RGS21: variants seen among roughly 807,000 people sequenced by gnomAD.
The protein encoded by RGS21 is regulator of G-protein signalling 21.
A neutral mutation model predicts 18.7 loss-of-function variants in RGS21; 19 were observed. That is an observed-to-expected ratio of 1.01 (90% confidence interval 0.71 to 1.49). The LOEUF (loss-of-function observed/expected upper bound fraction) is 1.49. Among genes scored for constraint, RGS21 ranks in the 40% most tolerant of loss-of-function variants. The pLI is 0.00. For missense variants in RGS21, 194 were observed against 176.8 expected, an observed-to-expected ratio of 1.10 and a Z score of -0.55; for synonymous variants, 56 against 57.8, an observed-to-expected ratio of 0.97 and a Z score of 0.14.
intron 4 of RGS21, among the ~76,000 whole-genome samples, chr1:192,364,072 A>C (rs994613430): frequency 3.9e-5 from 6 of 152,264 alleles, no homozygotes; most frequent in African/African-American, 1.4e-4. Context: ...AACACTGAAG[A>C]AGCAGAAACT....
rs116361463 is a variant in RGS21 at position 192,331,901 on chromosome 1, A to G, written c.-60-11076A>G. Among the ~76,000 whole-genome samples the G allele has an allele frequency of 1.4e-3, 215 of 152,164 alleles. 2 individuals carry two copies. Among genetic ancestry groups the G allele is most frequent in the African/African-American group, 5.0e-3 (207 of 41,564 alleles). On this transcript the variant is annotated intron_variant, in intron 1 of 4. Coordinates refer to ENST00000417209, the MANE Select transcript of RGS21 (RefSeq NM_001039152.3). ...TGAATGAACATTGCATATATCCACAACAATGAAGATATTTAGAGAACGGTC... is the reference window on the plus strand; with the variant it reads ...TGAATGAACATTGCATATATCCACAGCAATGAAGATATTTAGAGAACGGTC...
At chr1:192,350,456 C>T (rs1033006108) in intron 3 of RGS21, among the ~76,000 whole-genome samples, 1 of 152,018 alleles carries the variant, frequency 6.6e-6, no homozygotes, top group Non-Finnish European at 1.5e-5. Flanking sequence ...TTTGCCTATC[C>T]CCTGCTTTTC....
chr1:192,349,983 T>A (rs1302528183), intron 3 of RGS21, among the ~76,000 whole-genome samples: 2 of 152,316 alleles, frequency 1.3e-5, no homozygotes, highest in Non-Finnish European at 1.5e-5. Flanking sequence ...TAAAAATACA[T>A]CTTAGCATAA....
chr1:192,331,545 CTAAA>C (rs200622803), intron 1 of RGS21, among the ~76,000 whole-genome samples: 2,586 of 143,804 alleles, frequency 0.018, 31 homozygotes, highest in Middle Eastern at 0.072. Flanking sequence ...GACTCCGTCT[CTAAA>C]TAAATAAATA....
intron 2 of RGS21, among the ~76,000 whole-genome samples, chr1:192,343,974 C>A (rs1416629153): frequency 6.6e-6 from 1 of 151,958 alleles, no homozygotes; most frequent in Non-Finnish European, 1.5e-5. Flanking sequence ...AACTTTTATT[C>A]AATAGATTTC....
intron 4 of RGS21, among the ~76,000 whole-genome samples, chr1:192,359,883 C>T (rs1428113497): frequency 2.0e-5 from 3 of 151,136 alleles, no homozygotes; most frequent in South Asian, 4.2e-4. Flanking sequence ...AAAGATAAGG[C>T]ACTCTTGATA....
At chr1:192,339,421 T>C (rs1463077731) in intron 1 of RGS21, among the ~76,000 whole-genome samples, 1 of 152,112 alleles carries the variant, frequency 6.6e-6, no homozygotes, top group Non-Finnish European at 1.5e-5. Flanking sequence ...TCTTTGAATA[T>C]GCCTATGAAA....
intron 4 of RGS21, among the ~76,000 whole-genome samples, chr1:192,356,968 AC>A (rs906952819): frequency 2.6e-5 from 4 of 151,818 alleles, no homozygotes; most frequent in Admixed American, 2.0e-4. Flanking sequence ...TGCTGGTGCA[AC>A]TAAGAAAAAG....
intron 4 of RGS21, among the ~76,000 whole-genome samples, chr1:192,356,688 C>T (rs1411908909): frequency 6.6e-6 from 1 of 151,658 alleles, no homozygotes; most frequent in Non-Finnish European, 1.5e-5. Flanking sequence ...TGAAAATAGG[C>T]ATCTAGAAGC....
At chr1:192,338,766 A>G (rs970507375) in intron 1 of RGS21, among the ~76,000 whole-genome samples, 1 of 152,118 alleles carries the variant, frequency 6.6e-6, no homozygotes, top group African/African-American at 2.4e-5. Context: ...TTCCTAAAAT[A>G]TAAGTGTTAC....
intron 3 of RGS21, among the ~76,000 whole-genome samples, chr1:192,351,479 T>C (rs1052775331): frequency 2.0e-5 from 3 of 151,916 alleles, no homozygotes; most frequent in Non-Finnish European, 4.4e-5. Context: ...GAGTATAACA[T>C]AATTAATTTG....
intron 2 of RGS21, among the ~76,000 whole-genome samples, chr1:192,344,861 T>C (rs962520033): frequency 6.6e-6 from 1 of 152,064 alleles, no homozygotes; most frequent in Admixed American, 6.6e-5. Flanking sequence ...GCAATTTTTT[T>C]CTCCTAAAAA....
intron 3 of RGS21, among the ~76,000 whole-genome samples, chr1:192,349,258 C>G (rs1436611306): frequency 6.6e-6 from 1 of 152,008 alleles, no homozygotes; most frequent in South Asian, 2.1e-4. Flanking sequence ...CTCTGCATAC[C>G]CTCTGGGATT....
intron 1 of RGS21, among the ~76,000 whole-genome samples, chr1:192,325,407 G>A (rs1658555628): frequency 1.3e-5 from 2 of 151,950 alleles, no homozygotes. Context: ...TTACTAATGT[G>A]ATGAATATAT....
chr1:192,347,249 A>G, intron 2 of RGS21, 64 bp from the exon 3 acceptor site: 5 of 972,406 alleles, frequency 5.1e-6, no homozygotes, highest in Non-Finnish European at 3.3e-6. Context: ...CTCAAAATAC[A>G]TGTAACTCGA....
rs1283563201 is a variant in RGS21 at position 192,366,862 on chromosome 1, G to C, written c.*738G>C. 6.6e-6 allele frequency: 1 copy of C among 151,960 alleles called. No homozygotes were observed. The highest frequency in any genetic ancestry group is 1.5e-5 in the Non-Finnish European group (1 of 67,946). The allele number at this position is 151,960 out of a possible 1,614,324, so 9.4% of individuals were successfully genotyped here. A position where few individuals can be genotyped will look rare whatever the true frequency, so the allele number is the denominator to read the frequency against. ...AAGGAGCATAGATAAATCCTTATAA[G>C]ATGAAGTATATAGCAAGTCATAAAA... On this transcript the variant is annotated 3_prime_UTR_variant, in exon 5 of 5. Transcript: ENST00000417209.
At chr1:192,339,212 C>A (rs183770780) in intron 1 of RGS21, among the ~76,000 whole-genome samples, 1 of 145,060 alleles carries the variant, frequency 6.9e-6, no homozygotes, top group Non-Finnish European at 1.5e-5. Flanking sequence ...ACAATCAAAT[C>A]GGCATTTTTT....
At chr1:192,359,832 T>C (rs1659163815) in intron 4 of RGS21, among the ~76,000 whole-genome samples, 1 of 150,952 alleles carries the variant, frequency 6.6e-6, no homozygotes, top group Non-Finnish European at 1.5e-5. Flanking sequence ...TAGTAAGATA[T>C]ATATATCTAT....
intron 4 of RGS21, among the ~76,000 whole-genome samples, chr1:192,355,668 T>A (rs1237370275): frequency 6.6e-6 from 1 of 151,538 alleles, no homozygotes; most frequent in Non-Finnish European, 1.5e-5. Context: ...AACAAAAAAA[T>A]TCTTAAACTT....
Sources: allele counts gnomAD v4.1 joint callset (sites outside exome capture counted in the v4.1 genomes callset), GRCh38; gene constraint gnomAD v4.1.1; transcripts MANE v1.5; gene names NCBI Gene and HGNC (gene_info 2026-07-23, HGNC 2026-07-21).